Variants in FER observed in about 807,000 individuals in gnomAD.
FER encodes the protein FER tyrosine kinase.
Under a neutral mutation model 111.0 loss-of-function variants are expected in FER, and 63 were observed. The observed-to-expected ratio is 0.57, with a 90% CI of 0.46 to 0.70. The LOEUF is 0.70. Among genes scored for constraint, FER ranks in the 30% least tolerant of loss-of-function variants. The pLI is 0.00. For missense variants in FER, 914 were observed against 954.0 expected (o/e 0.96, Z 0.55); for synonymous variants, 327 against 313.9 (o/e 1.04, Z -0.44).
At chr5:109,145,046 T>TA in intron 17 of FER, among the ~76,000 whole-genome samples, 1 of 151,864 alleles carries the variant, frequency 6.6e-6, no homozygotes, top group Non-Finnish European at 1.5e-5. Context: ...TTTTTTTTTT[T>TA]ATGAAAATGT....
intron 8 of FER, among the ~76,000 whole-genome samples, chr5:108,873,679 G>A (rs1392513571): frequency 6.6e-6 from 1 of 152,084 alleles, no homozygotes; most frequent in Non-Finnish European, 1.5e-5. Context: ...ACTTGACTAG[G>A]TTTCTGACCA....
chr5:108,933,565 T>C (rs1408976762), intron 10 of FER, among the ~76,000 whole-genome samples: 2 of 152,240 alleles, frequency 1.3e-5, no homozygotes, highest in East Asian at 3.8e-4. Context: ...TAGGATTATC[T>C]TGGCTGTATA....
chr5:108,842,172 A>G (rs1311684400), intron 5 of FER: 1 of 156,450 alleles, frequency 6.4e-6, no homozygotes, highest in Non-Finnish European at 1.4e-5. Flanking sequence ...AGAAGTATAG[A>G]TGAAACATGA....
chr5:108,819,883 T>A (rs1758665591), intron 3 of FER: 2 of 968,862 alleles, frequency 2.1e-6, no homozygotes, highest in Non-Finnish European at 2.5e-6. Context: ...TGAAAAAAGA[T>A]AGATAAGGCA....
At chr5:109,047,492 G>A (rs1002868303) in intron 16 of FER, among the ~76,000 whole-genome samples, 1 of 152,182 alleles carries the variant, frequency 6.6e-6, no homozygotes, top group Non-Finnish European at 1.5e-5. Flanking sequence ...GAAAAAGGCA[G>A]TGTACTTAGA....
At chr5:109,137,958 T>G (rs751187124) in intron 17 of FER, among the ~76,000 whole-genome samples, 9 of 152,222 alleles carry the variant, frequency 5.9e-5, no homozygotes, top group Non-Finnish European at 8.8e-5. Flanking sequence ...CAAGATGTAC[T>G]GGGCCTACTC....
chr5:108,824,670 GAAAA>G (rs1561473131), intron 3 of FER, among the ~76,000 whole-genome samples: 1 of 151,802 alleles, frequency 6.6e-6, no homozygotes, highest in East Asian at 1.9e-4. Context: ...TTTTAAAAAA[GAAAA>G]AAGAAAAACA....
At chr5:109,103,466 A>G (rs559492635) in intron 17 of FER, among the ~76,000 whole-genome samples, 1 of 152,266 alleles carries the variant, frequency 6.6e-6, no homozygotes, top group Non-Finnish European at 1.5e-5. Flanking sequence ...AAATGGAAAG[A>G]GGTTACTGCA....
chr5:108,907,671 T>G (rs1750985974), intron 10 of FER, among the ~76,000 whole-genome samples: 1 of 151,874 alleles, frequency 6.6e-6, no homozygotes, highest in Non-Finnish European at 1.5e-5. Context: ...TCTGCACTCT[T>G]AGATCTACAT....
At chr5:108,921,301 A>T (rs1296965120) in intron 10 of FER, among the ~76,000 whole-genome samples, 1 of 152,116 alleles carries the variant, frequency 6.6e-6, no homozygotes, top group African/African-American at 2.4e-5. Flanking sequence ...ATACTAATAT[A>T]TGTACTTTGG....
intron 10 of FER, among the ~76,000 whole-genome samples, chr5:108,910,202 G>A (rs1015103011): frequency 5.3e-4 from 81 of 152,106 alleles, no homozygotes; most frequent in African/African-American, 1.7e-3. Flanking sequence ...CAAGCCACTA[G>A]TAATGAAAAT....
At chr5:109,172,237 A>C (rs531030220) in intron 17 of FER, among the ~76,000 whole-genome samples, 1 of 151,864 alleles carries the variant, frequency 6.6e-6, no homozygotes, top group Non-Finnish European at 1.5e-5. Context: ...ACCAACCCAA[A>C]TGTCCAACAA....
chr5:108,990,931 G>C (rs1189303022), intron 13 of FER, among the ~76,000 whole-genome samples: 1 of 151,660 alleles, frequency 6.6e-6, no homozygotes, highest in Non-Finnish European at 1.5e-5. Context: ...ATTAAAATAT[G>C]TACATAACTT....
intron 17 of FER, among the ~76,000 whole-genome samples, chr5:109,102,143 C>A (rs1748305957): frequency 6.6e-6 from 1 of 152,058 alleles, no homozygotes. Context: ...TTGTAGATGG[C>A]AGTTAGCTTT....
chr5:108,870,415 A>T (rs896820021), intron 6 of FER, among the ~76,000 whole-genome samples: 5 of 152,152 alleles, frequency 3.3e-5, no homozygotes, highest in Non-Finnish European at 7.4e-5. Flanking sequence ...ATGAGATTAT[A>T]ATCCCAGAGA....
At chr5:108,945,815 A>G (rs1022685770) in intron 10 of FER, among the ~76,000 whole-genome samples, 2 of 151,912 alleles carry the variant, frequency 1.3e-5, no homozygotes, top group Admixed American at 1.3e-4. Flanking sequence ...GCATGTGTTA[A>G]TACTTGGTTT....
At chr5:108,795,394 C>CTTTTTTTTTTTTTTT in intron 2 of FER, among the ~76,000 whole-genome samples, 1 of 114,648 alleles carries the variant, frequency 8.7e-6, no homozygotes, top group Non-Finnish European at 1.9e-5. Context: ...TTTTTGTTTT[C>CTTTTTTTTTTTTTTT]TTTTTTTTTT....
chr5:109,028,331 A>G (rs531157379), intron 13 of FER, among the ~76,000 whole-genome samples: 14 of 152,344 alleles, frequency 9.2e-5, no homozygotes, highest in African/African-American at 3.1e-4. Context: ...AATTTCAAAC[A>G]AAGTATGTAA....
At chr5:108,900,999 A>G (rs1749930117) in intron 10 of FER, among the ~76,000 whole-genome samples, 1 of 152,184 alleles carries the variant, frequency 6.6e-6, no homozygotes, top group African/African-American at 2.4e-5. Flanking sequence ...TGATTAGGTC[A>G]GGAGGGCTTC....
Sources: allele counts gnomAD v4.1 joint callset (sites outside exome capture counted in the v4.1 genomes callset), GRCh38; gene constraint gnomAD v4.1.1; transcripts MANE v1.5; gene names NCBI Gene and HGNC (gene_info 2026-07-23, HGNC 2026-07-21).